EP400: variants seen among roughly 807,000 people sequenced by gnomAD.
EP400 encodes E1A binding protein p400.
In EP400, 105 loss-of-function variants were observed where a neutral mutation model predicts 354.1. The observed-to-expected ratio is 0.30, with a 90% confidence interval of 0.25 to 0.35. The LOEUF (loss-of-function observed/expected upper bound fraction) is 0.35, where lower values mean the gene tolerates loss of function less well. Ranked by LOEUF, EP400 falls within the 10% of genes least tolerant of loss-of-function variation. EP400 has a pLI of 1.00. For synonymous variants in EP400, 1,646 were observed against 1,716.9 expected (o/e 0.96, Z 1.02); for missense variants, 3,280 against 4,121.0 (o/e 0.80, Z 5.59).
chr12:132,009,847 T>TTTC (rs1428279303), intron 15 of EP400, among the ~76,000 whole-genome samples: 5 of 145,900 alleles, frequency 3.4e-5, no homozygotes, highest in African/African-American at 1.3e-4. Context: ...TTTTTTTTTT[T>TTTC]TTTTTTTTGG....
intron 19 of EP400, among the ~76,000 whole-genome samples, chr12:132,015,058 G>A (rs925213220): frequency 6.6e-6 from 1 of 152,226 alleles, no homozygotes; most frequent in Non-Finnish European, 1.5e-5. Context: ...TCATGGGCTC[G>A]CCAGGGTTCT....
At chr12:132,036,089 C>CTGACGTGGCTGCTG (rs1894699365) in intron 30 of EP400, among the ~76,000 whole-genome samples, 1 of 149,440 alleles carries the variant, frequency 6.7e-6, no homozygotes, top group Admixed American at 6.7e-5. Flanking sequence ...CAGGTTCACA[C>CTGACGTGGCTGCTG]GGAATGTCGT....
At position 132,078,053 on chromosome 12, in the gene EP400, G is replaced by A. The variant is rs1032272303; in HGVS notation, c.*380G>A. ...AGAAGCCGTCTGCCGTGTGTGAGGA[G>A]CATACAATGGACTTTCTAAAGATAA... On this transcript the variant is annotated 3_prime_UTR_variant, in exon 53 of 53. Coordinates refer to ENST00000389561, the MANE Select transcript of EP400 (RefSeq NM_015409.5). The A allele has an allele frequency of 5.0e-6, 1 of 201,420 alleles. No individual in the cohort carries two copies. The highest frequency in any genetic ancestry group is 1.0e-5 in the Non-Finnish European group (1 of 97,314). 12.5% of individuals were successfully genotyped at this position (201,420 alleles called of 1,614,324 possible). A position where few individuals can be genotyped will look rare whatever the true frequency, so the allele number is the denominator to read the frequency against.
In EP400 at chr12:132,020,138, C is replaced by T. The variant is rs781310624; in HGVS notation, c.4367C>T (p.Thr1456Ile). The T allele has an allele frequency of 2.5e-6, 4 of 1,611,932 alleles. No homozygotes were observed. Among genetic ancestry groups the T allele is most frequent in the Middle Eastern group, 1.6e-4 (1 of 6,078 alleles). ...STHPPRTAAP[T>I]TASAAPQGPL... ...CACCCGCCCCGGACGGCAGCCCCCA[C>T]CACGGCCTCTGCTGCTCCACAGGGC... Residue 1456 changes from threonine to isoleucine, a missense_variant, in exon 22 of 53, where the codon ACC (threonine) becomes ATC (isoleucine). Physicochemically the swap from Thr to Ile is moderately conservative, Grantham distance 89. Around this residue, in one of 20 missense-constraint regions of EP400, gnomAD observed 342 missense variants for 342.7 expected, o/e 1.00. Coordinates refer to ENST00000389561, the MANE Select transcript of EP400 (RefSeq NM_015409.5).
At chr12:131,969,044 T>A (rs988508191) in intron 2 of EP400, among the ~76,000 whole-genome samples, 6 of 146,212 alleles carry the variant, frequency 4.1e-5, no homozygotes, top group African/African-American at 1.1e-4. Context: ...TCTTTACTTT[T>A]CTTTTTTTTT....
In EP400 at chr12:132,029,776, C is replaced by A. The variant is rs752476716; in HGVS notation, c.5457C>A (p.Ser1819Arg). The change falls in exon 28 of 53, where the codon AGC becomes AGA. Residue 1819 changes from serine to arginine, a missense_variant. Physicochemically the swap from Ser to Arg is moderately radical, Grantham distance 110. Coordinates refer to ENST00000389561, the MANE Select transcript of EP400 (RefSeq NM_015409.5). This position sits in a 1 kb window ranked among gnomAD's most constrained non-coding sequence, Gnocchi z 4.7. ...LRVPRPPPLY[S>R]HRMRILRQGL... is the part of the protein sequence containing the mutation. ...TGCCGCGGCCGCCACCCCTGTACAG[C>A]CACAGAATGAGGATCTTGAGGCAGG... The A allele has an allele frequency of 6.2e-7, 1 of 1,613,682 alleles. No homozygotes were observed. Among genetic ancestry groups the A allele is most frequent in the Non-Finnish European group, 8.5e-7 (1 of 1,180,044 alleles).
At chr12:131,970,294 C>A (rs974934934) in intron 2 of EP400, among the ~76,000 whole-genome samples, 1 of 152,186 alleles carries the variant, frequency 6.6e-6, no homozygotes, top group Non-Finnish European at 1.5e-5. Flanking sequence ...GTTCCATGCA[C>A]CAGATTGCCA....
intron 2 of EP400, among the ~76,000 whole-genome samples, chr12:131,962,177 G>A (rs1202747334): frequency 2.0e-5 from 3 of 152,170 alleles, no homozygotes; most frequent in African/African-American, 4.8e-5. Flanking sequence ...AGGAAGGGAC[G>A]GAGCTGCGCT....
rs1226734756 is a variant in EP400 at position 132,070,141 on chromosome 12, C to CT, written c.9021+501dup. ...TGGAGTTACCTCCCTGCATCCTTCT[C>CT]TAAGAGCGGGGGAGTGGTACCTTCT... On this transcript the variant is annotated intron_variant, in intron 51 of 52. Transcript: ENST00000389561. The surrounding 1 kb of genome is among the most constrained non-coding windows in gnomAD (Gnocchi z 4.1). 3.3e-5 allele frequency among the ~76,000 whole-genome samples: 5 copies of CT among 152,126 alleles called. No individual in the cohort carries two copies. The East Asian group carries it at 7.7e-4, about 23-fold the overall frequency.
intron 30 of EP400, among the ~76,000 whole-genome samples, chr12:132,034,064 T>G (rs1894612749): frequency 6.6e-6 from 1 of 152,232 alleles, no homozygotes; most frequent in Admixed American, 6.5e-5. Flanking sequence ...TGTGTCTTCT[T>G]TTGTAAACTT....
In EP400 at chr12:132,013,491, C is replaced by T. The variant is rs777695957; in HGVS notation, c.3613C>T (p.Gln1205Ter). The change falls in exon 18 of 53, where the codon CAA becomes TAA. Residue 1205 changes from glutamine (Q) to a stop codon, truncating the protein, a stop_gained and splice_region_variant. Transcript: ENST00000389561. LOFTEE classifies it high-confidence loss of function. The surrounding 1 kb of genome is among the most constrained non-coding windows in gnomAD (Gnocchi z 4.5). Reference sequence around the variant, plus strand: ...TGTTGTCTCTTGTCCTGTTTGCAGCCAACAACGTCTGCTTCTGATCGACTC... The same window carrying T: ...TGTTGTCTCTTGTCCTGTTTGCAGCTAACAACGTCTGCTTCTGATCGACTC... ...HWEAVFTLQS[Q>*]QRLLLIDSPL... The T allele has an allele frequency of 6.4e-7, 1 of 1,558,910 alleles. No individual in the cohort carries two copies.
At chr12:132,055,450 G>A (rs1379661237) in intron 45 of EP400, among the ~76,000 whole-genome samples, 6 of 143,940 alleles carry the variant, frequency 4.2e-5, no homozygotes, top group African/African-American at 8.3e-5. Context: ...TGTGTGTGGT[G>A]TAGGGGTGTG....
chr12:132,005,268 T>C, intron 13 of EP400, 84 bp downstream of exon 13: 2 of 943,880 alleles, frequency 2.1e-6, no homozygotes, highest in Non-Finnish European at 3.0e-6. Context: ...ATTTAGAAAA[T>C]TTCTTTTAGT....
chr12:131,980,235 A>C (rs1401736544), intron 3 of EP400, among the ~76,000 whole-genome samples: 1 of 152,214 alleles, frequency 6.6e-6, no homozygotes, highest in Non-Finnish European at 1.5e-5. Context: ...ACCACTGTTA[A>C]TGTTTCCCAT....
intron 35 of EP400, among the ~76,000 whole-genome samples, 177 bp from the exon 36 acceptor site, chr12:132,044,494 T>G (rs953889073): frequency 7.9e-5 from 12 of 152,230 alleles, no homozygotes; most frequent in African/African-American, 2.9e-4. Flanking sequence ...AATTGACACT[T>G]GGAGATTGTC....
In EP400 at chr12:131,990,159, G is replaced by T; in HGVS notation, c.2550+55G>T. The T allele has an allele frequency of 6.4e-7, 1 of 1,553,962 alleles. No homozygotes were observed. The highest frequency in any genetic ancestry group is 8.7e-7 in the Non-Finnish European group (1 of 1,155,632). ...AGAATCAGTCTGTCGGAGCTGGTGAGGCCACTTCCCGAGACCAGAGCTCGG... is the reference window on the plus strand; with the variant it reads ...AGAATCAGTCTGTCGGAGCTGGTGATGCCACTTCCCGAGACCAGAGCTCGG... On this transcript the variant is annotated intron_variant, in intron 8 of 52. Transcript: ENST00000389561. The surrounding 1 kb of genome is among the most constrained non-coding windows in gnomAD (Gnocchi z 4.2).
chr12:132,072,235 G>A (rs1038128527), intron 51 of EP400, among the ~76,000 whole-genome samples: 14 of 152,178 alleles, frequency 9.2e-5, no homozygotes, highest in African/African-American at 3.1e-4. Flanking sequence ...GCCCGGGACC[G>A]CAGGTGTGTG....
chr12:131,960,941 G>A lies in EP400; in HGVS notation c.322G>A (p.Ala108Thr), dbSNP rs1290513072. 8.1e-6 allele frequency: 13 copies of A among 1,612,978 alleles called. No homozygotes were observed. The African/African-American group carries it at 9.4e-5, about 12-fold the overall frequency. ...CACCTCTCCAGGCTTCCAGTTCAGC[G>A]CTCAGCCTCGGCGGTTTGAGCATGG... The part of the protein sequence containing the change: ...SPTSPGFQFS[A>T]QPRRFEHGSP... Residue 108 changes from alanine (A) to threonine (T), a missense_variant, in exon 2 of 53, where the codon GCT (alanine) becomes ACT (threonine). By Grantham distance (58) the Ala-to-Thr change is moderately conservative. Coordinates refer to ENST00000389561, the MANE Select transcript of EP400 (RefSeq NM_015409.5).
chr12:132,076,140 A>C (rs1896230619), intron 51 of EP400: 5 of 365,414 alleles, frequency 1.4e-5, no homozygotes, highest in Non-Finnish European at 2.7e-5. Flanking sequence ...TCATTACTGG[A>C]ACGTCGTCCA....
Sources: allele counts gnomAD v4.1 joint callset (sites outside exome capture counted in the v4.1 genomes callset), GRCh38; gene constraint gnomAD v4.1.1; regional missense constraint gnomAD v4.1.1; non-coding constraint Gnocchi (gnomAD v3.1); transcripts MANE v1.5; gene names NCBI Gene and HGNC (gene_info 2026-07-23, HGNC 2026-07-21).